COL11A1: variants seen among roughly 807,000 people sequenced by gnomAD.
The protein encoded by COL11A1 is collagen alpha-1(XI) chain.
A neutral mutation model predicts 265.2 loss-of-function variants in COL11A1; 74 were observed. The ratio of observed to expected loss-of-function variants is 0.28; its 90% CI spans 0.23 to 0.34. The LOEUF is 0.34. Ranked by LOEUF, COL11A1 falls within the 10% of genes least tolerant of loss-of-function variation. The pLI, the probability that COL11A1 is intolerant of heterozygous loss-of-function variation, is 1.00. For missense variants in COL11A1, 2,165 were observed against 2,263.6 expected, an observed-to-expected ratio of 0.96 and a Z score of 0.88; for synonymous variants, 816 against 727.6, an observed-to-expected ratio of 1.12 and a Z score of -1.96.
rs763904785 is a variant in COL11A1, at chr1:102,914,679, A to G, written c.3924+25T>C. 2.6e-6 allele frequency: 4 copies of G among 1,566,538 alleles called. No homozygotes were observed. The Admixed American group carries it at 5.0e-5, about 20-fold the overall frequency. On this transcript the variant is annotated intron_variant, in intron 51 of 66. Transcript: ENST00000370096. The stretch of plus-strand genomic sequence containing the variant: ...AAGGTGAGTTTGGCATAAATGCCAC[A>G]TTAGAGGGGACCAAACTCACTTACC...
chr1:103,103,041 G>A (rs2041835706), intron 1 of COL11A1, among the ~76,000 whole-genome samples: 1 of 151,870 alleles, frequency 6.6e-6, no homozygotes, highest in Admixed American at 6.6e-5. Context: ...TACATTAACT[G>A]CCCATTTATG....
chr1:103,103,156 GT>G (rs1258952460), intron 1 of COL11A1, among the ~76,000 whole-genome samples: 2 of 151,202 alleles, frequency 1.3e-5, no homozygotes, highest in African/African-American at 4.9e-5. Flanking sequence ...TTTTTCTTCA[GT>G]TTGCCACTTG....
chr1:102,984,999 C>T (rs906949282), intron 30 of COL11A1, among the ~76,000 whole-genome samples: 2 of 151,670 alleles, frequency 1.3e-5, no homozygotes, highest in Non-Finnish European at 2.9e-5. Flanking sequence ...CCTATGATTT[C>T]TATCTGAACA....
Position 102,880,625 on chromosome 1 carries a change from T to C in COL11A1, c.5041-709A>G, listed in dbSNP as rs535444626. ...TAGCAACTGTCTCATATCATCTTTATAAATTGTCTTATTTTTGGTAATAAA... is the reference window on the plus strand; with the variant it reads ...TAGCAACTGTCTCATATCATCTTTACAAATTGTCTTATTTTTGGTAATAAA... On this transcript the variant is annotated intron_variant, in intron 65 of 66. Transcript: ENST00000370096. Among the ~76,000 whole-genome samples, 45 of 152,204 alleles carry C rather than the reference T, an allele frequency of 3.0e-4. No individual in the cohort carries two copies. In the South Asian group the frequency reaches 9.1e-3, roughly 31 times the overall value.
At chr1:103,097,085 C>T (rs540121313) in intron 1 of COL11A1, among the ~76,000 whole-genome samples, 1 of 152,024 alleles carries the variant, frequency 6.6e-6, no homozygotes, top group Admixed American at 6.6e-5. Context: ...ACAACATGGC[C>T]CCAGTTCACT....
At chr1:103,048,552 C>G (rs966749450) in intron 4 of COL11A1, among the ~76,000 whole-genome samples, 1 of 152,058 alleles carries the variant, frequency 6.6e-6, no homozygotes, top group African/African-American at 2.4e-5. Context: ...AAAACCAGCT[C>G]CTGGACTCAC....
rs764495952 is a variant in COL11A1, at chr1:102,979,110, A to AAAGAC, written c.2611-11_2611-7dup. ...CCTGGTTTGCCAGCTACTCCCTAGC[A>AAAGAC]AAGACAGTTCAATTTCAATATGCAG... On this transcript the variant is annotated splice_region_variant and splice_polypyrimidine_tract_variant and intron_variant, in intron 32 of 66. Coordinates refer to ENST00000370096, the MANE Select transcript of COL11A1 (RefSeq NM_001854.4). 1.9e-6 allele frequency: 3 copies of AAAGAC among 1,614,032 alleles called. No homozygotes were observed. Among genetic ancestry groups the AAAGAC allele is most frequent in the South Asian group, 2.2e-5 (2 of 91,088 alleles).
chr1:103,053,686 T>C (rs1385541448), intron 4 of COL11A1, among the ~76,000 whole-genome samples: 1 of 152,176 alleles, frequency 6.6e-6, no homozygotes, highest in African/African-American at 2.4e-5. Flanking sequence ...CTGTCTACTC[T>C]TATACAAGTG....
chr1:103,074,480 C>T (rs1348125155), intron 4 of COL11A1, 138 bp downstream of exon 4: 1 of 892,774 alleles, frequency 1.1e-6, no homozygotes, highest in Non-Finnish European at 1.7e-6. Context: ...ACTATACTCA[C>T]AGAGGAAGAA....
chr1:103,077,849 C>G (rs983235190), intron 3 of COL11A1, among the ~76,000 whole-genome samples: 7 of 152,068 alleles, frequency 4.6e-5, no homozygotes, highest in Admixed American at 1.3e-4. Flanking sequence ...CACTTTCCAA[C>G]TATACGAACT....
intron 21 of COL11A1, 147 bp downstream of exon 21, chr1:103,003,068 T>C (rs1209876068): frequency 2.4e-6 from 2 of 830,226 alleles, no homozygotes; most frequent in East Asian, 5.3e-5. Flanking sequence ...GAGGGAATGA[T>C]GAGTTAAAGT....
At chr1:102,957,396 T>A (rs1010366504) in intron 41 of COL11A1, among the ~76,000 whole-genome samples, 2 of 152,098 alleles carry the variant, frequency 1.3e-5, no homozygotes, top group Admixed American at 6.6e-5. Flanking sequence ...ATTAAAGCTC[T>A]GCTTAGGACT....
chr1:103,069,823 G>T (rs1046552985), intron 4 of COL11A1, among the ~76,000 whole-genome samples: 8 of 151,814 alleles, frequency 5.3e-5, no homozygotes, highest in Admixed American at 1.3e-4. Flanking sequence ...CATCAGTCAA[G>T]GGAGAAGCGT....
intron 4 of COL11A1, among the ~76,000 whole-genome samples, chr1:103,048,723 C>T (rs1020847678): frequency 6.6e-6 from 1 of 152,108 alleles, no homozygotes; most frequent in Admixed American, 6.5e-5. Flanking sequence ...CCTGCTTTCT[C>T]TTGTGGGCTT....
chr1:103,021,762 C>T lies in COL11A1; in HGVS notation c.1253G>A (p.Gly418Asp). 2 of 1,609,448 alleles carry T rather than the reference C, an allele frequency of 1.2e-6. No individual in the cohort carries two copies. Among genetic ancestry groups the T allele is most frequent in the Non-Finnish European group, 1.7e-6 (2 of 1,175,784 alleles). Residue 418 changes from glycine (G) to aspartate (D), a missense_variant, in exon 9 of 67, where the codon GGC (glycine) becomes GAC (aspartate). Coordinates refer to ENST00000370096, the MANE Select transcript of COL11A1 (RefSeq NM_001854.4). Reference protein sequence around the residue: ...ETDITETSINGHGAYGEKGQK... With the variant: ...ETDITETSINDHGAYGEKGQK... ...TCCTTTCTCTCCATATGCACCATGGCCATTTATCTGTTGAATGAAATATTC... is the reference window on the plus strand; with the variant it reads ...TCCTTTCTCTCCATATGCACCATGGTCATTTATCTGTTGAATGAAATATTC...
intron 4 of COL11A1, among the ~76,000 whole-genome samples, chr1:103,035,918 A>G (rs920135548): frequency 3.3e-5 from 5 of 151,968 alleles, no homozygotes; most frequent in Non-Finnish European, 5.9e-5. Flanking sequence ...AAGTTCTTAA[A>G]ATATACTGAT....
chr1:103,017,964 G>A (rs1215571455), intron 10 of COL11A1, 82 bp from the exon 11 acceptor site: 1 of 1,097,102 alleles, frequency 9.1e-7, no homozygotes, highest in Non-Finnish European at 1.4e-6. Flanking sequence ...CTATCGAAGA[G>A]TTCGTTTATA....
chr1:103,021,232 C>T (rs1027777897), intron 9 of COL11A1, among the ~76,000 whole-genome samples: 3 of 151,128 alleles, frequency 2.0e-5, no homozygotes, highest in African/African-American at 7.3e-5. Flanking sequence ...AGAGATTCTT[C>T]TGTAGATGAA....
At chr1:103,008,332 A>G (rs1213945019) in intron 15 of COL11A1, 131 bp downstream of exon 15, 3 of 708,422 alleles carry the variant, frequency 4.2e-6, no homozygotes, top group Admixed American at 2.7e-5. Flanking sequence ...TAATTTCAAA[A>G]TAAACCCTCA....
Sources: gnomAD v4.1 joint callset for allele counts (sites outside exome capture counted in the v4.1 genomes callset) on GRCh38, gnomAD v4.1.1 for gene constraint, MANE v1.5 for transcripts, NCBI Gene and HGNC (gene_info 2026-07-23, HGNC 2026-07-21) for gene names.